The following DLGAP2 variants were observed in gnomAD, a reference collection of about 807,000 sequenced individuals.
DLGAP2 encodes the protein disks large-associated protein 2.
DLGAP2 carries 26 observed loss-of-function variants against 100.3 expected under a neutral mutation model. The ratio of observed to expected loss-of-function variants is 0.26; its 90% CI spans 0.19 to 0.36. DLGAP2 has a LOEUF of 0.36. DLGAP2 is among the 10% of genes least tolerant of loss of function. The pLI is 1.00. For missense variants in DLGAP2, 1,858 were observed against 1,453.2 expected (o/e 1.28, Z -4.53); for synonymous variants, 886 against 630.1 (o/e 1.41, Z -6.08).
At chr8:1,371,916 T>C (rs1351174257) in intron 3 of DLGAP2, among the ~76,000 whole-genome samples, 2 of 152,210 alleles carry the variant, frequency 1.3e-5, no homozygotes, top group East Asian at 3.8e-4. Flanking sequence ...CAGGGCCCTT[T>C]TCAATATGCC....
chr8:1,414,589 C>T (rs566470662), intron 3 of DLGAP2, among the ~76,000 whole-genome samples: 8 of 152,318 alleles, frequency 5.3e-5, no homozygotes, highest in South Asian at 2.1e-4. Context: ...AGGCAGAACA[C>T]GGCTGGGAGG....
chr8:1,064,202 C>G (rs1563172168), intron 2 of DLGAP2, among the ~76,000 whole-genome samples: 1 of 152,184 alleles, frequency 6.6e-6, no homozygotes. Flanking sequence ...AATTACTCAA[C>G]AGTAAGTACC....
chr8:1,108,196 A>G (rs559502653), intron 2 of DLGAP2, among the ~76,000 whole-genome samples: 1 of 152,330 alleles, frequency 6.6e-6, no homozygotes, highest in African/African-American at 2.4e-5. Flanking sequence ...ATTGGCTGTC[A>G]CTGTCCTTCC....
chr8:1,198,681 A>C (rs544651417), intron 2 of DLGAP2, among the ~76,000 whole-genome samples: 10 of 152,202 alleles, frequency 6.6e-5, no homozygotes, highest in Middle Eastern at 3.4e-3. Context: ...CCCCATGTCC[A>C]TGGGTCAGGC....
intron 3 of DLGAP2, among the ~76,000 whole-genome samples, chr8:1,409,811 G>A (rs1796679334): frequency 6.6e-6 from 1 of 152,170 alleles, no homozygotes; most frequent in African/African-American, 2.4e-5. Flanking sequence ...CCCTCCACCA[G>A]AGCCCCAGGG....
intron 2 of DLGAP2, among the ~76,000 whole-genome samples, chr8:1,226,926 C>T (rs11774083): frequency 2.0e-5 from 3 of 151,616 alleles, no homozygotes; most frequent in Non-Finnish European, 4.4e-5. Context: ...TAGATTTGTG[C>T]AACAATTATG....
chr8:943,403 G>A lies in DLGAP2; in HGVS notation c.73+35437G>A, dbSNP rs77241092. On this transcript the variant is annotated intron_variant, in intron 2 of 14. Coordinates refer to ENST00000637795, the MANE Select transcript of DLGAP2 (RefSeq NM_001346810.2). ...GGACACTTTGGTTTTGACTGGCCAC[G>A]TTTCATATGTGCGGCACCCGCGTGT... is the stretch of plus-strand genomic sequence containing the variant. Among the ~76,000 whole-genome samples the A allele has an allele frequency of 5.3e-3, 802 of 152,346 alleles. 8 individuals are homozygous for A. Among genetic ancestry groups the A allele is most frequent in the African/African-American group, 0.018 (762 of 41,584 alleles).
chr8:957,102 G>T (rs537539237), intron 2 of DLGAP2, among the ~76,000 whole-genome samples: 1 of 152,346 alleles, frequency 6.6e-6, no homozygotes, highest in South Asian at 2.1e-4. Flanking sequence ...GGGAGAGGAG[G>T]TTTTCTTAAA....
chr8:1,604,684 G>A (rs1796740126), intron 6 of DLGAP2: 1 of 152,196 alleles, frequency 6.6e-6, no homozygotes, highest in Non-Finnish European at 1.5e-5. Context: ...AGGAGACTGT[G>A]ATCCAGATTG....
intron 2 of DLGAP2, among the ~76,000 whole-genome samples, chr8:1,079,260 G>A (rs1040284893): frequency 5.7e-4 from 87 of 152,134 alleles, no homozygotes; most frequent in African/African-American, 2.0e-3. Context: ...TCTTATTGTT[G>A]GGTTTTAAGA....
At chr8:1,194,202 C>T (rs537453743) in intron 2 of DLGAP2, among the ~76,000 whole-genome samples, 11 of 152,190 alleles carry the variant, frequency 7.2e-5, no homozygotes, top group African/African-American at 1.4e-4. Context: ...TGGGAGGCCA[C>T]GCCTTGTTCT....
chr8:1,226,355 C>G (rs1255603999), intron 2 of DLGAP2, among the ~76,000 whole-genome samples: 1 of 152,152 alleles, frequency 6.6e-6, no homozygotes, highest in Non-Finnish European at 1.5e-5. Context: ...TTATCCTCAG[C>G]AAACTAACAC....
intron 8 of DLGAP2, among the ~76,000 whole-genome samples, chr8:1,665,913 C>G (rs1193620988): frequency 6.6e-6 from 1 of 152,238 alleles, no homozygotes; most frequent in Non-Finnish European, 1.5e-5. Context: ...CATCTCCACC[C>G]GCGGGCTCTC....
At chr8:1,118,748 G>A (rs919966391) in intron 2 of DLGAP2, among the ~76,000 whole-genome samples, 2 of 152,174 alleles carry the variant, frequency 1.3e-5, no homozygotes, top group Non-Finnish European at 2.9e-5. Context: ...TATGTGGTGG[G>A]ACCGTTTTTG....
chr8:1,451,234 C>G (rs1303085186), intron 3 of DLGAP2, among the ~76,000 whole-genome samples: 1 of 152,118 alleles, frequency 6.6e-6, no homozygotes, highest in Admixed American at 6.5e-5. Context: ...AAGGAACAGG[C>G]CTGTTGCAGC....
intron 1 of DLGAP2, among the ~76,000 whole-genome samples, chr8:818,249 G>C (rs546819082): frequency 6.6e-6 from 1 of 152,240 alleles, no homozygotes; most frequent in East Asian, 1.9e-4. Flanking sequence ...GGCTGCCTCT[G>C]CTGAGTCACA....
In DLGAP2 at chr8:1,100,119, C is replaced by T. The variant is rs148169418; in HGVS notation, c.74-158732C>T. ...GAATCATCCCTTTGTCCAGCATGTA[C>T]AGTGTGTGTAGGGAAAAGCTTTGTC... On this transcript the variant is annotated intron_variant, in intron 2 of 14. Coordinates refer to ENST00000637795, the MANE Select transcript of DLGAP2 (RefSeq NM_001346810.2). Among the ~76,000 whole-genome samples, 83 of 149,254 alleles carry T rather than the reference C, an allele frequency of 5.6e-4. 2 individuals carry two copies. The South Asian group carries it at 0.01, about 19-fold the overall frequency.
chr8:1,224,103 T>G (rs751064128), intron 2 of DLGAP2, among the ~76,000 whole-genome samples: 4 of 152,186 alleles, frequency 2.6e-5, no homozygotes, highest in African/African-American at 4.8e-5. Context: ...CAGACAGAAT[T>G]TAAACCACAT....
At chr8:1,135,085 C>A (rs1796376793) in intron 2 of DLGAP2, among the ~76,000 whole-genome samples, 1 of 152,162 alleles carries the variant, frequency 6.6e-6, no homozygotes, top group South Asian at 2.1e-4. Flanking sequence ...TGAAAGGTGT[C>A]CCTCCCCAAG....
Sources: allele counts gnomAD v4.1 joint callset (sites outside exome capture counted in the v4.1 genomes callset), GRCh38; gene constraint gnomAD v4.1.1; transcripts MANE v1.5; gene names NCBI Gene and HGNC (gene_info 2026-07-23, HGNC 2026-07-21).